SLIT3: variants seen among roughly 807,000 people sequenced by gnomAD.
SLIT3 encodes slit homolog 3 protein.
Under a neutral mutation model 184.0 loss-of-function variants are expected in SLIT3, and 68 were observed. The ratio of observed to expected loss-of-function variants is 0.37; its 90% CI spans 0.30 to 0.45. The LOEUF (loss-of-function observed/expected upper bound fraction) is 0.45. Among genes scored for constraint, SLIT3 ranks in the 20% least tolerant of loss-of-function variants. The pLI is 1.00. For synonymous variants in SLIT3, 831 were observed against 828.6 expected, an observed-to-expected ratio of 1.00 and a Z score of -0.05; for missense variants, 1,707 against 2,026.0, an observed-to-expected ratio of 0.84 and a Z score of 3.02.
intron 1 of SLIT3, among the ~76,000 whole-genome samples, chr5:169,273,886 T>C (rs184523536): frequency 9.1e-4 from 138 of 152,264 alleles, no homozygotes; most frequent in African/African-American, 3.1e-3. Context: ...TTCACATTGA[T>C]ACAAAAACAC....
chr5:168,696,485 G>T (rs1413035750), intron 27 of SLIT3, 54 bp from the exon 28 acceptor site: 1 of 1,602,906 alleles, frequency 6.2e-7, no homozygotes, highest in Non-Finnish European at 8.5e-7. Context: ...GGAGAGAGGT[G>T]GGTTGGGATG....
chr5:169,066,422 C>A (rs1292600921), intron 4 of SLIT3, among the ~76,000 whole-genome samples: 1 of 152,122 alleles, frequency 6.6e-6, no homozygotes, highest in Non-Finnish European at 1.5e-5. Context: ...TTCAAATGGC[C>A]AACATATGCA....
At position 169,000,392 on chromosome 5, in the gene SLIT3, C is replaced by CAAAAA. The variant is rs34002967; in HGVS notation, c.414-117061_414-117057dup. On this transcript the variant is annotated intron_variant, in intron 4 of 35. Transcript: ENST00000519560. ...GGGTGACAAAAGCAAAACTCCATCT[C>CAAAAA]AAAAAAAAAAAAAAAAAAAAAAAAA... 3.0e-3 allele frequency among the ~76,000 whole-genome samples: 125 copies of CAAAAA among 42,246 alleles called. 1 individual carries two copies. The highest frequency in any genetic ancestry group is 5.9e-3 in the African/African-American group (58 of 9,898). The allele number at this position is 42,246 out of a possible 152,430, so 27.7% of individuals were successfully genotyped here.
At chr5:168,895,310 G>T (rs1760623799) in intron 4 of SLIT3, among the ~76,000 whole-genome samples, 1 of 152,170 alleles carries the variant, frequency 6.6e-6, no homozygotes, top group Non-Finnish European at 1.5e-5. Flanking sequence ...AGGGCAGGGT[G>T]GGGAGGGGCT....
At chr5:169,230,449 G>T (rs1362527321) in intron 3 of SLIT3, among the ~76,000 whole-genome samples, 2 of 152,172 alleles carry the variant, frequency 1.3e-5, no homozygotes, top group African/African-American at 2.4e-5. Context: ...TAATTTAAAA[G>T]AATATATTTG....
intron 4 of SLIT3, among the ~76,000 whole-genome samples, chr5:169,182,585 G>A (rs1338920874): frequency 6.6e-6 from 1 of 152,300 alleles, no homozygotes; most frequent in Non-Finnish European, 1.5e-5. Context: ...CCAAATGTTG[G>A]TTGAAAATGA....
At chr5:169,295,281 C>A (rs748877269) in intron 1 of SLIT3, among the ~76,000 whole-genome samples, 1 of 152,124 alleles carries the variant, frequency 6.6e-6, no homozygotes, top group Non-Finnish European at 1.5e-5. Context: ...GTGTTAAGCA[C>A]TTTCCTGTAT....
intron 4 of SLIT3, among the ~76,000 whole-genome samples, chr5:168,901,398 T>C (rs1202897756): frequency 3.2e-5 from 3 of 93,444 alleles, no homozygotes; most frequent in Admixed American, 1.1e-4. Context: ...CAAAACAAAA[T>C]TGCACTTCTA....
chr5:169,072,441 C>T (rs1255834169), intron 4 of SLIT3, among the ~76,000 whole-genome samples: 1 of 152,218 alleles, frequency 6.6e-6, no homozygotes. Flanking sequence ...ATGGATGACT[C>T]TGCACAAAGG....
chr5:168,976,600 G>A (rs565748151), intron 4 of SLIT3, among the ~76,000 whole-genome samples: 2 of 152,352 alleles, frequency 1.3e-5, no homozygotes, highest in South Asian at 4.1e-4. Context: ...TGTGACAGCT[G>A]CAGGAATTAA....
At chr5:168,950,987 A>G (rs1389663303) in intron 4 of SLIT3, among the ~76,000 whole-genome samples, 2 of 152,192 alleles carry the variant, frequency 1.3e-5, no homozygotes, top group Non-Finnish European at 2.9e-5. Context: ...TTGGGAGGCC[A>G]AGGCTGGTGG....
chr5:169,294,092 G>T (rs867784902), intron 1 of SLIT3, among the ~76,000 whole-genome samples: 1 of 152,114 alleles, frequency 6.6e-6, no homozygotes, highest in South Asian at 2.1e-4. Flanking sequence ...TCCACCCCTT[G>T]TTTTTCCTTT....
intron 9 of SLIT3, among the ~76,000 whole-genome samples, chr5:168,802,639 C>G (rs1222153000): frequency 2.0e-5 from 3 of 152,176 alleles, no homozygotes; most frequent in African/African-American, 7.2e-5. Flanking sequence ...TTCTCTCAAC[C>G]ATAACCCTTC....
At chr5:169,120,901 A>G (rs894881043) in intron 4 of SLIT3, among the ~76,000 whole-genome samples, 1 of 152,190 alleles carries the variant, frequency 6.6e-6, no homozygotes, top group Non-Finnish European at 1.5e-5. Context: ...TTTTGTTCAC[A>G]GGATTGATGC....
chr5:168,716,359 G>T (rs1171578789), intron 23 of SLIT3, among the ~76,000 whole-genome samples: 2 of 152,042 alleles, frequency 1.3e-5, no homozygotes, highest in Non-Finnish European at 2.9e-5. Context: ...TTATGCTTAA[G>T]GTGGTTTGAA....
At chr5:169,089,442 T>C (rs1474822720) in intron 4 of SLIT3, among the ~76,000 whole-genome samples, 1 of 152,224 alleles carries the variant, frequency 6.6e-6, no homozygotes, top group Non-Finnish European at 1.5e-5. Flanking sequence ...TCTGTCCCTG[T>C]TCTCCTGTGG....
At chr5:168,825,001 T>A (rs1054255593) in intron 6 of SLIT3, among the ~76,000 whole-genome samples, 1 of 152,222 alleles carries the variant, frequency 6.6e-6, no homozygotes, top group Non-Finnish European at 1.5e-5. Flanking sequence ...GCTCTGTACA[T>A]GGTTGAAATC....
At chr5:169,009,704 C>T (rs1426649962) in intron 4 of SLIT3, among the ~76,000 whole-genome samples, 2 of 152,198 alleles carry the variant, frequency 1.3e-5, no homozygotes, top group African/African-American at 4.8e-5. Context: ...ATTCACTGAG[C>T]ACTTACTTCA....
At chr5:168,845,624 G>A (rs899340910) in intron 5 of SLIT3, among the ~76,000 whole-genome samples, 1 of 148,626 alleles carries the variant, frequency 6.7e-6, no homozygotes, top group African/African-American at 2.5e-5. Flanking sequence ...AGATACCAGG[G>A]TTTTTTTTTT....
Sources: gnomAD v4.1 joint callset for allele counts (sites outside exome capture counted in the v4.1 genomes callset) on GRCh38, gnomAD v4.1.1 for gene constraint, MANE v1.5 for transcripts, NCBI Gene and HGNC (gene_info 2026-07-23, HGNC 2026-07-21) for gene names.